Variants in LHFPL3 observed in about 807,000 individuals in gnomAD.
The protein encoded by LHFPL3 is LHFPL tetraspan subfamily member 3 protein.
Under a neutral mutation model 19.3 loss-of-function variants are expected in LHFPL3, and 5 were observed. That is an observed-to-expected ratio of 0.26 (90% CI 0.14 to 0.54). LHFPL3 has a LOEUF of 0.54. LHFPL3 is among the 20% of genes least tolerant of loss of function. The probability of loss-of-function intolerance (pLI) is 0.94; values close to 1 mark genes in which losing one functional copy is unlikely to be tolerated. For synonymous variants in LHFPL3, 133 were observed against 126.2 expected (o/e 1.05, Z -0.36); for missense variants, 249 against 307.4 (o/e 0.81, Z 1.42).
rs146691588 is a variant in LHFPL3 at position 104,540,159 on chromosome 7, A to G, written c.446-196516A>G. On this transcript the variant is annotated intron_variant, in intron 1 of 2. Transcript: ENST00000424859. Reference sequence around the variant, plus strand: ...CAGTGATGTGCTATAGGCATTGTGCAAGATACAGTGAAATTATACGCTGTG... The same window carrying G: ...CAGTGATGTGCTATAGGCATTGTGCGAGATACAGTGAAATTATACGCTGTG... Among the ~76,000 whole-genome samples, 271 of 152,322 alleles carry G rather than the reference A, an allele frequency of 1.8e-3. 3 individuals carry two copies. Among genetic ancestry groups the G allele is most frequent in the African/African-American group, 5.7e-3 (237 of 41,572 alleles).
intron 1 of LHFPL3, among the ~76,000 whole-genome samples, chr7:104,379,105 G>C (rs1206187425): frequency 6.6e-6 from 1 of 152,162 alleles, no homozygotes; most frequent in East Asian, 1.9e-4. Context: ...ACTTAGCACA[G>C]AAGTTTTGAA....
At chr7:104,800,115 G>C (rs916778663) in intron 2 of LHFPL3, 1 of 152,346 alleles carries the variant, frequency 6.6e-6, no homozygotes, top group Non-Finnish European at 1.5e-5. Flanking sequence ...AGGATTTGCT[G>C]TCCCTAAACC....
intron 1 of LHFPL3, among the ~76,000 whole-genome samples, chr7:104,614,747 C>G (rs868709431): frequency 4.6e-5 from 5 of 109,608 alleles, no homozygotes; most frequent in African/African-American, 1.7e-4. Flanking sequence ...TTCTCTTTCT[C>G]TCTTTTCTTT....
chr7:104,779,730 A>G (rs534720669), intron 2 of LHFPL3, among the ~76,000 whole-genome samples: 1 of 152,332 alleles, frequency 6.6e-6, no homozygotes, highest in South Asian at 2.1e-4. Flanking sequence ...CAGCACTGAT[A>G]TGCGCTGGCC....
chr7:104,452,725 T>G (rs13223917), intron 1 of LHFPL3, among the ~76,000 whole-genome samples: 2 of 152,196 alleles, frequency 1.3e-5, no homozygotes, highest in African/African-American at 4.8e-5. Context: ...TATAAAAGTT[T>G]CTTACATAGT....
At chr7:104,535,508 C>T (rs1230711163) in intron 1 of LHFPL3, among the ~76,000 whole-genome samples, 1 of 152,130 alleles carries the variant, frequency 6.6e-6, no homozygotes, top group Non-Finnish European at 1.5e-5. Flanking sequence ...TCAATAAATC[C>T]TTGATAACTC....
chr7:104,414,156 G>T (rs1791580463), intron 1 of LHFPL3, among the ~76,000 whole-genome samples: 1 of 151,424 alleles, frequency 6.6e-6, no homozygotes, highest in South Asian at 2.1e-4. Flanking sequence ...CCATTCATTG[G>T]CATTTAGTAT....
intron 1 of LHFPL3, among the ~76,000 whole-genome samples, chr7:104,730,605 T>A (rs942863276): frequency 6.6e-6 from 1 of 151,012 alleles, no homozygotes; most frequent in African/African-American, 2.4e-5. Context: ...TGTTTTTTTC[T>A]TGTAAATTTG....
chr7:104,552,801 G>T (rs748988755), intron 1 of LHFPL3, among the ~76,000 whole-genome samples: 1 of 152,154 alleles, frequency 6.6e-6, no homozygotes, highest in Non-Finnish European at 1.5e-5. Flanking sequence ...GAAGAAAATT[G>T]CTATCTCCTA....
At position 104,356,614 on chromosome 7, in the gene LHFPL3, G is replaced by A. The variant is rs1016729634; in HGVS notation, c.445+27390G>A. Among the ~76,000 whole-genome samples the A allele has an allele frequency of 5.3e-5, 8 of 152,294 alleles. No individual in the cohort carries two copies. In the East Asian group the frequency reaches 1.4e-3, roughly 26 times the overall value. ...AAAGAAAAACCCACATCTGACCCAAGAAGACTGAAGATGGACTCTCTGACT... is the reference window on the plus strand; with the variant it reads ...AAAGAAAAACCCACATCTGACCCAAAAAGACTGAAGATGGACTCTCTGACT... On this transcript the variant is annotated intron_variant, in intron 1 of 2. Coordinates refer to ENST00000424859, the MANE Select transcript of LHFPL3 (RefSeq NM_199000.3).
At chr7:104,516,682 T>C (rs1793927796) in intron 1 of LHFPL3, among the ~76,000 whole-genome samples, 1 of 152,124 alleles carries the variant, frequency 6.6e-6, no homozygotes, top group Non-Finnish European at 1.5e-5. Context: ...AAGGAATGCT[T>C]ATACACTGTT....
intron 1 of LHFPL3, among the ~76,000 whole-genome samples, chr7:104,709,693 T>C (rs946638854): frequency 2.0e-5 from 3 of 152,012 alleles, no homozygotes; most frequent in African/African-American, 7.2e-5. Context: ...CCCCCTTTTC[T>C]ATTCGACAAA....
At chr7:104,518,987 C>T (rs1257145303) in intron 1 of LHFPL3, among the ~76,000 whole-genome samples, 1 of 152,030 alleles carries the variant, frequency 6.6e-6, no homozygotes, top group African/African-American at 2.4e-5. Context: ...TGGGGAGATA[C>T]ATGAGGAAAA....
In LHFPL3 at chr7:104,656,695, A is replaced by G. The variant is rs558510639; in HGVS notation, c.446-79980A>G. Among the ~76,000 whole-genome samples, 7 of 152,362 alleles carry G rather than the reference A, an allele frequency of 4.6e-5. No homozygotes were observed. In the South Asian group the frequency reaches 1.4e-3, roughly 32 times the overall value. On this transcript the variant is annotated intron_variant, in intron 1 of 2. Coordinates refer to ENST00000424859, the MANE Select transcript of LHFPL3 (RefSeq NM_199000.3). ...AGATTACTCAGATCACTGTCTTCAC[A>G]GCATTCCCCTTCCACCTCTCCAGAA...
intron 1 of LHFPL3, among the ~76,000 whole-genome samples, chr7:104,468,397 C>T (rs1374841962): frequency 1.3e-5 from 2 of 152,180 alleles, no homozygotes; most frequent in African/African-American, 2.4e-5. Context: ...TGCCAATAGC[C>T]AGTAGCTGCA....
At chr7:104,844,826 C>T (rs1469048687) in intron 2 of LHFPL3, among the ~76,000 whole-genome samples, 1 of 152,160 alleles carries the variant, frequency 6.6e-6, no homozygotes, top group Non-Finnish European at 1.5e-5. Flanking sequence ...GCAACATTTG[C>T]CTTCCAGGTT....
At chr7:104,835,345 G>A (rs1385722301) in intron 2 of LHFPL3, among the ~76,000 whole-genome samples, 1 of 151,870 alleles carries the variant, frequency 6.6e-6, no homozygotes, top group Admixed American at 6.6e-5. Context: ...TGTTCTTCAT[G>A]GAGCCCTACA....
chr7:104,396,956 G>A (rs2116484932), intron 1 of LHFPL3, among the ~76,000 whole-genome samples: 1 of 152,202 alleles, frequency 6.6e-6, no homozygotes, highest in East Asian at 1.9e-4. Flanking sequence ...GGGCAACAGA[G>A]TGAGACACTG....
chr7:104,474,659 T>A (rs1792973443), intron 1 of LHFPL3, among the ~76,000 whole-genome samples: 1 of 116,572 alleles, frequency 8.6e-6, no homozygotes, highest in Non-Finnish European at 1.6e-5. Context: ...AGAGCAAGAC[T>A]CCATCACAAC....
Sources: gnomAD v4.1 joint callset for allele counts (sites outside exome capture counted in the v4.1 genomes callset) on GRCh38, gnomAD v4.1.1 for gene constraint, MANE v1.5 for transcripts, NCBI Gene and HGNC (gene_info 2026-07-23, HGNC 2026-07-21) for gene names.